The following KCNIP4 variants were observed in gnomAD, a reference collection of about 807,000 sequenced individuals.
KCNIP4 encodes Kv channel-interacting protein 4.
A neutral mutation model predicts 34.0 loss-of-function variants in KCNIP4; 12 were observed. The ratio of observed to expected loss-of-function variants is 0.35; its 90% CI spans 0.23 to 0.57. KCNIP4 has a LOEUF of 0.57. Among genes scored for constraint, KCNIP4 ranks in the 20% least tolerant of loss-of-function variants. KCNIP4 has a pLI of 0.83. For missense variants in KCNIP4, 238 were observed against 311.7 expected, an observed-to-expected ratio of 0.76 and a Z score of 1.78; for synonymous variants, 124 against 102.2, an observed-to-expected ratio of 1.21 and a Z score of -1.29.
At chr4:20,895,835 A>C (rs1726452810) in intron 1 of KCNIP4, among the ~76,000 whole-genome samples, 1 of 152,172 alleles carries the variant, frequency 6.6e-6, no homozygotes, top group African/African-American at 2.4e-5. Flanking sequence ...TTCCAGACCA[A>C]CTGCATCAGG....
intron 1 of KCNIP4, among the ~76,000 whole-genome samples, chr4:20,932,495 A>G (rs1036104964): frequency 1.3e-5 from 2 of 151,616 alleles, no homozygotes; most frequent in Non-Finnish European, 1.5e-5. Flanking sequence ...CTAATATTGT[A>G]GACTATAATA....
intron 1 of KCNIP4, among the ~76,000 whole-genome samples, chr4:21,344,767 C>A (rs1219115839): frequency 1.3e-5 from 2 of 152,084 alleles, no homozygotes; most frequent in Non-Finnish European, 2.9e-5. Context: ...ATATTGATTA[C>A]TGTTGTTATT....
intron 1 of KCNIP4, among the ~76,000 whole-genome samples, chr4:20,945,759 C>T (rs939035494): frequency 6.6e-6 from 1 of 152,092 alleles, no homozygotes; most frequent in Non-Finnish European, 1.5e-5. Context: ...CCCAGGGACT[C>T]CCCGACATGT....
At chr4:21,228,811 T>G (rs540778048) in intron 1 of KCNIP4, among the ~76,000 whole-genome samples, 1 of 152,286 alleles carries the variant, frequency 6.6e-6, no homozygotes, top group Admixed American at 6.5e-5. Context: ...GCTTATCCAA[T>G]CACACTGGTT....
chr4:21,215,891 A>G (rs1315106811), intron 1 of KCNIP4, among the ~76,000 whole-genome samples: 1 of 152,082 alleles, frequency 6.6e-6, no homozygotes. Context: ...TCCATGGCCT[A>G]CTGCAGCCTC....
intron 1 of KCNIP4, among the ~76,000 whole-genome samples, chr4:21,191,564 T>C (rs907727874): frequency 2.0e-5 from 3 of 152,206 alleles, no homozygotes; most frequent in African/African-American, 4.8e-5. Context: ...AGCAACAGAA[T>C]GCTAGTTAGC....
At chr4:21,717,916 C>T (rs562573143) in intron 1 of KCNIP4, among the ~76,000 whole-genome samples, 3 of 152,252 alleles carry the variant, frequency 2.0e-5, no homozygotes, top group African/African-American at 7.2e-5. Context: ...CCCAGTTGGC[C>T]TCAATTCACT....
At chr4:21,319,241 G>A (rs920188056) in intron 1 of KCNIP4, among the ~76,000 whole-genome samples, 11 of 152,198 alleles carry the variant, frequency 7.2e-5, no homozygotes, top group Non-Finnish European at 1.3e-4. Context: ...TTTGCTTACA[G>A]CTTTGATCAT....
At chr4:20,814,780 G>A (rs368300226) in intron 3 of KCNIP4, among the ~76,000 whole-genome samples, 12 of 152,306 alleles carry the variant, frequency 7.9e-5, no homozygotes, top group African/African-American at 2.6e-4. Context: ...CTTTCTCAGT[G>A]TTTGAGCAAA....
chr4:20,974,885 G>A (rs777876779), intron 1 of KCNIP4, among the ~76,000 whole-genome samples: 14 of 152,140 alleles, frequency 9.2e-5, no homozygotes, highest in Admixed American at 3.9e-4. Context: ...GCTAATAATA[G>A]GTATGATGAC....
chr4:21,168,872 A>G (rs1427061491), intron 1 of KCNIP4, among the ~76,000 whole-genome samples: 3 of 152,122 alleles, frequency 2.0e-5, no homozygotes. Context: ...CCTCTGGTGT[A>G]GCTCAAAGAT....
intron 1 of KCNIP4, among the ~76,000 whole-genome samples, chr4:21,838,067 G>A (rs1723458492): frequency 6.6e-6 from 1 of 151,850 alleles, no homozygotes; most frequent in Non-Finnish European, 1.5e-5. Flanking sequence ...AAAACTTAAG[G>A]ACAAAGAAGT....
At chr4:21,309,657 T>C (rs980307200) in intron 1 of KCNIP4, among the ~76,000 whole-genome samples, 1 of 152,124 alleles carries the variant, frequency 6.6e-6, no homozygotes, top group Non-Finnish European at 1.5e-5. Context: ...CAGCTACTAA[T>C]GCTATCTCCA....
At chr4:20,948,059 G>A (rs1413539756) in intron 1 of KCNIP4, among the ~76,000 whole-genome samples, 3 of 152,210 alleles carry the variant, frequency 2.0e-5, no homozygotes, top group Non-Finnish European at 4.4e-5. Flanking sequence ...AGTCAGTGCT[G>A]TGAAAACACA....
chr4:21,815,273 T>C (rs1458140724), intron 1 of KCNIP4, among the ~76,000 whole-genome samples: 4 of 152,120 alleles, frequency 2.6e-5, no homozygotes, highest in Non-Finnish European at 5.9e-5. Flanking sequence ...TTTGTGAGAA[T>C]CAAATGTGCT....
chr4:21,165,317 AT>A lies in KCNIP4; in HGVS notation c.62-282609del, dbSNP rs373791810. 8.2e-3 allele frequency among the ~76,000 whole-genome samples: 90 copies of A among 10,928 alleles called. 10 individuals are homozygous for A. In the East Asian group the frequency reaches 0.11, roughly 13 times the overall value. 7.2% of individuals were successfully genotyped at this position (10,928 alleles called of 152,430 possible). ...AGATATACCTAATGCTAGATGACAC[AT>A]TAGTGGGTGCAGCGCACCAGCATGG... is the stretch of plus-strand genomic sequence containing the variant. On this transcript the variant is annotated intron_variant, in intron 1 of 8. Coordinates refer to ENST00000382152, the MANE Select transcript of KCNIP4 (RefSeq NM_025221.6).
chr4:21,109,568 C>A (rs906399863), intron 1 of KCNIP4, among the ~76,000 whole-genome samples: 4 of 152,240 alleles, frequency 2.6e-5, no homozygotes, highest in Non-Finnish European at 4.4e-5. Context: ...TGAGGCAATG[C>A]CTGGCCCTGC....
chr4:21,283,872 A>G (rs1006298342), intron 1 of KCNIP4, among the ~76,000 whole-genome samples: 5 of 152,082 alleles, frequency 3.3e-5, no homozygotes, highest in Non-Finnish European at 5.9e-5. Flanking sequence ...AATAAAAACA[A>G]GTAAAAATAC....
At chr4:21,575,732 C>T (rs1488498040) in intron 1 of KCNIP4, among the ~76,000 whole-genome samples, 1 of 152,100 alleles carries the variant, frequency 6.6e-6, no homozygotes, top group Non-Finnish European at 1.5e-5. Context: ...TTATAACAAA[C>T]CAAATTTATT....
Sources: gnomAD v4.1 joint callset for allele counts (sites outside exome capture counted in the v4.1 genomes callset) on GRCh38, gnomAD v4.1.1 for gene constraint, MANE v1.5 for transcripts, NCBI Gene and HGNC (gene_info 2026-07-23, HGNC 2026-07-21) for gene names.